The following XPO6 variants were observed in gnomAD, a reference collection of about 807,000 sequenced individuals.
The protein encoded by XPO6 is exportin 6.
Under a neutral mutation model 130.0 loss-of-function variants are expected in XPO6, and 3 were observed. The observed-to-expected ratio is 0.02, with a 90% CI of 0.01 to 0.06. The LOEUF (loss-of-function observed/expected upper bound fraction) is 0.06, where lower values mean the gene tolerates loss of function less well. XPO6 is among the 10% of genes least tolerant of loss of function. The pLI, the probability that XPO6 is intolerant of heterozygous loss-of-function variation, is 1.00. For synonymous variants in XPO6, 524 were observed against 548.9 expected (o/e 0.95, Z 0.63); for missense variants, 970 against 1,393.0 (o/e 0.70, Z 4.83).
intron 1 of XPO6, among the ~76,000 whole-genome samples, chr16:28,181,305 C>G (rs1283520701): frequency 6.6e-6 from 1 of 152,162 alleles, no homozygotes; most frequent in Non-Finnish European, 1.5e-5. Context: ...ATTCAAAATT[C>G]AACTCTGGAA....
chr16:28,210,964 G>A (rs983760843), intron 1 of XPO6, among the ~76,000 whole-genome samples: 22 of 152,226 alleles, frequency 1.4e-4, no homozygotes, highest in African/African-American at 5.3e-4. Context: ...TTGAGCTGGG[G>A]AATTAATTGC....
chr16:28,158,044 G>A (rs999449819), intron 6 of XPO6, among the ~76,000 whole-genome samples: 7 of 152,144 alleles, frequency 4.6e-5, no homozygotes, highest in Non-Finnish European at 7.3e-5. Flanking sequence ...AGAAGTAGAG[G>A]ACTAAGGCAC....
At chr16:28,188,235 C>A (rs1002843575) in intron 1 of XPO6, among the ~76,000 whole-genome samples, 1 of 152,192 alleles carries the variant, frequency 6.6e-6, no homozygotes, top group Non-Finnish European at 1.5e-5. Flanking sequence ...GGCCAACATG[C>A]CCAGCCAAAA....
At chr16:28,103,691 T>A (rs892330619) in intron 21 of XPO6, among the ~76,000 whole-genome samples, 2 of 151,778 alleles carry the variant, frequency 1.3e-5, no homozygotes, top group African/African-American at 4.8e-5. Context: ...ACTTGAGTAC[T>A]GCAGACCTGA....
At chr16:28,154,371 C>G (rs2043148598) in intron 7 of XPO6, 3 of 794,852 alleles carry the variant, frequency 3.8e-6, no homozygotes, top group African/African-American at 1.9e-5. Context: ...GTAGCTAAAA[C>G]TACAGATTTT....
chr16:28,099,531 G>A (rs542959684), intron 23 of XPO6, among the ~76,000 whole-genome samples: 5 of 152,312 alleles, frequency 3.3e-5, no homozygotes, highest in Admixed American at 6.5e-5. Context: ...AGGCTCTGGG[G>A]CCAGAACACC....
chr16:28,124,538 CACA>C (rs2087344033), intron 13 of XPO6, among the ~76,000 whole-genome samples: 1 of 152,082 alleles, frequency 6.6e-6, no homozygotes, highest in Non-Finnish European at 1.5e-5. Flanking sequence ...TTGGAAAGCG[CACA>C]ACATGTGGAC....
At chr16:28,173,300 C>A (rs1451346332) in intron 4 of XPO6, among the ~76,000 whole-genome samples, 2 of 152,176 alleles carry the variant, frequency 1.3e-5, no homozygotes, top group African/African-American at 4.8e-5. Context: ...CTTGACAAGG[C>A]TTATATGCCA....
intron 14 of XPO6, among the ~76,000 whole-genome samples, chr16:28,118,680 G>A (rs906410129): frequency 6.6e-6 from 1 of 152,162 alleles, no homozygotes; most frequent in African/African-American, 2.4e-5. Context: ...CTTTGAATGA[G>A]TAGATTATTT....
rs1283746389 is a variant in XPO6, at chr16:28,156,284, C to T, written c.887G>A (p.Ser296Asn). ...CTCCTGACCCGAGACACAGTTCTGG[C>T]TGCTGCCGTTAACTGACGCCATCTT... is the stretch of plus-strand genomic sequence containing the variant. ...ARKMASVNGS[S>N]QNCVSGQERG... The change falls in exon 7 of 24, where the codon AGC (serine) becomes AAC (asparagine). Residue 296 changes from serine (S) to asparagine (N), a missense_variant. This residue lies in a region of XPO6 where 936 missense variants were observed against 1,306.8 expected (regional missense o/e 0.72). Transcript: ENST00000304658. 1 of 1,614,038 alleles carries T rather than the reference C, an allele frequency of 6.2e-7. No individual in the cohort carries two copies. The highest frequency in any genetic ancestry group is 1.7e-5 in the Admixed American group (1 of 59,998).
intron 23 of XPO6, 78 bp from the exon 24 acceptor site, chr16:28,098,717 C>T: frequency 9.3e-7 from 1 of 1,072,024 alleles, no homozygotes. Context: ...TACTTCCATC[C>T]CAGAGTGTGC....
intron 13 of XPO6, among the ~76,000 whole-genome samples, chr16:28,124,653 G>A (rs1284164693): frequency 5.9e-5 from 9 of 152,160 alleles, no homozygotes; most frequent in Non-Finnish European, 1.0e-4. Flanking sequence ...ACAATAAAAC[G>A]GCAATGCCTG....
intron 12 of XPO6, among the ~76,000 whole-genome samples, chr16:28,129,369 A>G (rs988638760): frequency 6.6e-6 from 1 of 152,366 alleles, no homozygotes; most frequent in Non-Finnish European, 1.5e-5. Context: ...AAAGCTGTTC[A>G]GATCCACCCA....
chr16:28,194,190 A>T (rs200489572), intron 1 of XPO6, among the ~76,000 whole-genome samples: 1 of 152,094 alleles, frequency 6.6e-6, no homozygotes, highest in African/African-American at 2.4e-5. Context: ...AATGAGCAAA[A>T]CTATTTCACT....
chr16:28,169,620 A>G, intron 5 of XPO6, 130 bp downstream of exon 5: 3 of 1,181,520 alleles, frequency 2.5e-6, no homozygotes, highest in Non-Finnish European at 3.6e-6. Flanking sequence ...GGTGTTGGGA[A>G]CGCAGCTTCC....
At position 28,106,294 on chromosome 16, in the gene XPO6, C is replaced by A; in HGVS notation, c.2613-80G>T. 2 of 1,607,270 alleles carry A rather than the reference C, an allele frequency of 1.2e-6. No homozygotes were observed. Among genetic ancestry groups the A allele is most frequent in the Non-Finnish European group, 1.7e-6 (2 of 1,175,076 alleles). ...ATGAAAACCCATGCTGTGGCAAGTG[C>A]AGAACAGGAGCAAAAAGCCACACTT... On this transcript the variant is annotated intron_variant, in intron 19 of 23. Transcript: ENST00000304658. This position sits in a 1 kb window ranked among gnomAD's most constrained non-coding sequence, Gnocchi z 4.2.
At chr16:28,111,604 C>T in intron 17 of XPO6, 1 of 486,754 alleles carries the variant, frequency 2.1e-6, no homozygotes, top group Non-Finnish European at 3.6e-6. Context: ...AGAGAAGGGA[C>T]AGTTTGATTC....
chr16:28,107,752 G>A, intron 17 of XPO6, 75 bp from the exon 18 acceptor site: 3 of 1,548,904 alleles, frequency 1.9e-6, no homozygotes, highest in Non-Finnish European at 2.6e-6. Flanking sequence ...CAAGGGAGAG[G>A]GAGGAAACTT....
At chr16:28,140,731 G>A (rs866844392) in intron 9 of XPO6, among the ~76,000 whole-genome samples, 90 of 151,540 alleles carry the variant, frequency 5.9e-4, no homozygotes, top group African/African-American at 2.1e-3. Context: ...GGGCTTAGAA[G>A]GAAATTTACA....
Sources: allele counts gnomAD v4.1 joint callset (sites outside exome capture counted in the v4.1 genomes callset), GRCh38; gene constraint gnomAD v4.1.1; regional missense constraint gnomAD v4.1.1; non-coding constraint Gnocchi (gnomAD v3.1); transcripts MANE v1.5; gene names NCBI Gene and HGNC (gene_info 2026-07-23, HGNC 2026-07-21).